CCDC7: variants seen among roughly 807,000 people sequenced by gnomAD.
CCDC7 encodes coiled-coil domain containing 7, also known as coiled-coil domain-containing protein 7.
Under a neutral mutation model 196.9 loss-of-function variants are expected in CCDC7, and 183 were observed. That is an observed-to-expected ratio of 0.93 (90% CI 0.82 to 1.05). The LOEUF is 1.05. CCDC7 is among the 50% of genes least tolerant of loss of function. The pLI is 0.00. For missense variants in CCDC7, 1,540 were observed against 1,482.2 expected, an observed-to-expected ratio of 1.04 and a Z score of -0.64; for synonymous variants, 525 against 484.6, an observed-to-expected ratio of 1.08 and a Z score of -1.10.
At chr10:32,576,000 GT>G (rs1320631966) in intron 16 of CCDC7, among the ~76,000 whole-genome samples, 1 of 152,158 alleles carries the variant, frequency 6.6e-6, no homozygotes, top group African/African-American at 2.4e-5. Context: ...GTTTAGGAAT[GT>G]CTGTTCCATA....
intron 11 of CCDC7, among the ~76,000 whole-genome samples, chr10:32,539,198 C>T (rs1296276831): frequency 6.6e-6 from 1 of 151,758 alleles, no homozygotes; most frequent in Non-Finnish European, 1.5e-5. Flanking sequence ...TGTTATTGGT[C>T]TGCTCAGGGA....
chr10:32,806,941 C>T (rs1375394434), intron 30 of CCDC7, among the ~76,000 whole-genome samples: 1 of 152,090 alleles, frequency 6.6e-6, no homozygotes, highest in Non-Finnish European at 1.5e-5. Context: ...TCATTAGGAA[C>T]TATTAGGGCC....
chr10:32,677,654 G>C (rs1176374071), intron 21 of CCDC7, among the ~76,000 whole-genome samples: 1 of 151,546 alleles, frequency 6.6e-6, no homozygotes, highest in Non-Finnish European at 1.5e-5. Flanking sequence ...AATTTTCTTT[G>C]AGTTTTGACA....
chr10:32,747,534 A>G (rs2133352834), intron 28 of CCDC7, among the ~76,000 whole-genome samples: 1 of 152,314 alleles, frequency 6.6e-6, no homozygotes, highest in East Asian at 1.9e-4. Flanking sequence ...CAACCCCATT[A>G]AAAAATGAGC....
chr10:32,448,794 C>T (rs778357338), upstream of CCDC7, among the ~76,000 whole-genome samples: 1 of 151,964 alleles, frequency 6.6e-6, no homozygotes, highest in African/African-American at 2.4e-5. Context: ...TTTATTTTCT[C>T]ATTTTCAGTA....
At chr10:32,718,566 TG>T (rs1161789083) in intron 25 of CCDC7, among the ~76,000 whole-genome samples, 1 of 151,960 alleles carries the variant, frequency 6.6e-6, no homozygotes, top group East Asian at 1.9e-4. Context: ...TCAAATAGGA[TG>T]AGAGGAAGTC....
chr10:32,495,155 G>A (rs1324817093), intron 9 of CCDC7, among the ~76,000 whole-genome samples: 1 of 152,150 alleles, frequency 6.6e-6, no homozygotes, highest in Non-Finnish European at 1.5e-5. Flanking sequence ...GTGATGATGA[G>A]CATATTTTTA....
At chr10:32,503,235 A>T (rs150816572) in intron 9 of CCDC7, among the ~76,000 whole-genome samples, 1,913 of 151,924 alleles carry the variant, frequency 0.013, 21 homozygotes, top group Non-Finnish European at 0.019. Context: ...CTTAGAAGAA[A>T]AGCTTTCAAC....
chr10:32,709,831 TA>T (rs2080508486), intron 24 of CCDC7, among the ~76,000 whole-genome samples: 1 of 152,196 alleles, frequency 6.6e-6, no homozygotes, highest in African/African-American at 2.4e-5. Context: ...GTGACACTTA[TA>T]ACCCTAGAAA....
intron 41 of CCDC7, among the ~76,000 whole-genome samples, chr10:32,862,561 A>T (rs905027753): frequency 1.1e-4 from 13 of 122,172 alleles, no homozygotes; most frequent in Admixed American, 3.3e-4. Context: ...GTATAATAAT[A>T]AAAAAAAAAC....
At chr10:32,545,902 T>C (rs2052365389) in intron 13 of CCDC7, among the ~76,000 whole-genome samples, 1 of 58,636 alleles carries the variant, frequency 1.7e-5, no homozygotes. Flanking sequence ...CAAAACTCCG[T>C]CTCAAAAAAA....
At position 32,848,230 on chromosome 10, in the gene CCDC7, A is replaced by G. The variant is rs557383824; in HGVS notation, c.3772+314A>G. ...AATAAATCTAATAAACATTGGTTCA[A>G]TTGGGGCAGGGGGGATCCAGTAGCT... On this transcript the variant is annotated intron_variant, in intron 38 of 41. Coordinates refer to ENST00000639629, the Ensembl canonical transcript of CCDC7. Among the ~76,000 whole-genome samples the G allele has an allele frequency of 4.6e-5, 7 of 152,284 alleles. 1 individual carries two copies. The highest frequency in any genetic ancestry group is 1.9e-4 in the East Asian group (1 of 5,196).
intron 24 of CCDC7, 48 bp downstream of exon 25, chr10:32,695,040 A>C: frequency 2.0e-6 from 2 of 999,718 alleles, no homozygotes; most frequent in Non-Finnish European, 1.4e-6. Context: ...AGTTAATCTC[A>C]TTAGATCATT....
Position 32,571,896 on chromosome 10 carries a change from A to G in CCDC7, c.1454+3A>G. The stretch of plus-strand genomic sequence containing the variant: ...AGCGGAAGACTGATTGAAAAGAGGT[A>G]AAACACTTTTTAAAAATTTGTTCCC... On this transcript the variant is annotated splice_donor_region_variant and intron_variant, in intron 16 of 41. Coordinates refer to ENST00000639629, the Ensembl canonical transcript of CCDC7. 1 of 1,567,930 alleles carries G rather than the reference A, an allele frequency of 6.4e-7. No homozygotes were observed.
At chr10:32,467,639 A>G (rs1297358273) in intron 5 of CCDC7, among the ~76,000 whole-genome samples, 2 of 152,058 alleles carry the variant, frequency 1.3e-5, no homozygotes, top group Non-Finnish European at 2.9e-5. Context: ...TGCTTTTGGC[A>G]TCTTCATGGA....
intron 8 of CCDC7, among the ~76,000 whole-genome samples, chr10:32,491,368 G>A (rs1242075994): frequency 1.3e-5 from 2 of 152,028 alleles, no homozygotes. Context: ...TACCCCAATA[G>A]TTCATTGATT....
downstream of CCDC7, chr10:32,876,671 A>G: frequency 3.5e-6 from 1 of 287,672 alleles, no homozygotes; most frequent in Non-Finnish European, 6.4e-6. Flanking sequence ...AATAATAAAA[A>G]TATTCACCCT....
intron 28 of CCDC7, among the ~76,000 whole-genome samples, chr10:32,741,011 A>T (rs2085745860): frequency 6.6e-6 from 1 of 152,070 alleles, no homozygotes; most frequent in Non-Finnish European, 1.5e-5. Flanking sequence ...TTAATGAAAA[A>T]TATTCTCCTA....
At chr10:32,621,641 C>A (rs1564852806) in intron 18 of CCDC7, among the ~76,000 whole-genome samples, 1 of 152,124 alleles carries the variant, frequency 6.6e-6, no homozygotes, top group African/African-American at 2.4e-5. Flanking sequence ...GTGTAACCTC[C>A]ACTCCAAGGT....
Sources: gnomAD v4.1 joint callset for allele counts (sites outside exome capture counted in the v4.1 genomes callset) on GRCh38, gnomAD v4.1.1 for gene constraint, MANE v1.5 for transcripts, NCBI Gene and HGNC (gene_info 2026-07-23, HGNC 2026-07-21) for gene names.